Variants in MAN1C1 observed in about 807,000 individuals in gnomAD.
The protein encoded by MAN1C1 is mannosyl-oligosaccharide 1,2-alpha-mannosidase IC.
In MAN1C1, 49 loss-of-function variants were observed where a neutral mutation model predicts 71.5. The observed-to-expected ratio is 0.69, with a 90% confidence interval of 0.54 to 0.87. The LOEUF (loss-of-function observed/expected upper bound fraction) is 0.87, where lower values mean the gene tolerates loss of function less well. Among genes scored for constraint, MAN1C1 ranks in the 40% least tolerant of loss-of-function variants. The probability of loss-of-function intolerance (pLI) is 0.00; values close to 1 mark genes in which losing one functional copy is unlikely to be tolerated. For synonymous variants in MAN1C1, 352 were observed against 343.7 expected, an observed-to-expected ratio of 1.02 and a Z score of -0.27; for missense variants, 743 against 835.0, an observed-to-expected ratio of 0.89 and a Z score of 1.36.
At position 25,775,342 on chromosome 1, in the gene MAN1C1, C is replaced by T. The variant is rs1455363310; in HGVS notation, c.1258-2763C>T. On this transcript the variant is annotated intron_variant, in intron 8 of 11. Transcript: ENST00000374332. The surrounding 1 kb of genome is among the most constrained non-coding windows in gnomAD (Gnocchi z 5.1). ...GCACTCCCCCATGTGGAGCAGGTGC[C>T]CTGGCATGTCACATTGTCAGCGCTT... Among the ~76,000 whole-genome samples, 3 of 152,220 alleles carry T rather than the reference C, an allele frequency of 2.0e-5. No homozygotes were observed.
At chr1:25,671,676 T>C (rs1208414095) in intron 1 of MAN1C1, among the ~76,000 whole-genome samples, 1 of 152,210 alleles carries the variant, frequency 6.6e-6, no homozygotes, top group Non-Finnish European at 1.5e-5. Flanking sequence ...TGGTTATTCA[T>C]TGGCATGTAC....
chr1:25,713,321 G>C lies in MAN1C1; in HGVS notation c.637+26785G>C, dbSNP rs553491432. 2.2e-4 allele frequency among the ~76,000 whole-genome samples: 34 copies of C among 152,366 alleles called. No homozygotes were observed. The South Asian group carries it at 5.8e-3, about 26-fold the overall frequency. On this transcript the variant is annotated intron_variant, in intron 2 of 11. Transcript: ENST00000374332. ...TTGCACCCTCATCACAGTCAGGTGAGATGGTGCCATACCCACTTTATAGAT... is the reference window on the plus strand; with the variant it reads ...TTGCACCCTCATCACAGTCAGGTGACATGGTGCCATACCCACTTTATAGAT...
At chr1:25,667,643 A>C (rs970495519) in intron 1 of MAN1C1, among the ~76,000 whole-genome samples, 1 of 152,166 alleles carries the variant, frequency 6.6e-6, no homozygotes, top group Non-Finnish European at 1.5e-5. Flanking sequence ...TTGAAATCAA[A>C]TTGCTCGATC....
At chr1:25,688,891 G>A (rs539683482) in intron 2 of MAN1C1, among the ~76,000 whole-genome samples, 1 of 152,338 alleles carries the variant, frequency 6.6e-6, no homozygotes, top group African/African-American at 2.4e-5. Flanking sequence ...CAGGCTCTGA[G>A]GTCCCTTGGG....
chr1:25,740,985 G>A (rs1322906026), intron 2 of MAN1C1, among the ~76,000 whole-genome samples: 1 of 152,048 alleles, frequency 6.6e-6, no homozygotes, highest in Non-Finnish European at 1.5e-5. Context: ...GTGAGACAGG[G>A]TCAAGGGTTG....
intron 1 of MAN1C1, among the ~76,000 whole-genome samples, chr1:25,682,181 T>G (rs1174914076): frequency 6.6e-6 from 1 of 152,188 alleles, no homozygotes; most frequent in Non-Finnish European, 1.5e-5. Context: ...CCCAACTTAG[T>G]CCTTAGCTGG....
At chr1:25,626,051 C>T (rs1285375410) in intron 1 of MAN1C1, among the ~76,000 whole-genome samples, 3 of 152,158 alleles carry the variant, frequency 2.0e-5, no homozygotes, top group Admixed American at 6.5e-5. Context: ...CTGCTATAAA[C>T]ATTTTATGTA....
chr1:25,749,194 T>C, intron 3 of MAN1C1, 61 bp from the exon 4 acceptor site: 6 of 1,426,520 alleles, frequency 4.2e-6, no homozygotes, highest in Non-Finnish European at 5.8e-6. Context: ...GGGTGACCTG[T>C]CTCAAGGGCC....
At chr1:25,697,939 C>T (rs2046389017) in intron 2 of MAN1C1, among the ~76,000 whole-genome samples, 1 of 152,222 alleles carries the variant, frequency 6.6e-6, no homozygotes, top group Admixed American at 6.5e-5. Context: ...CTGCCTCTCT[C>T]ATCATCAAAC....
chr1:25,686,470 C>T lies in MAN1C1; in HGVS notation c.571C>T (p.Arg191Cys), dbSNP rs375175751. 8.7e-5 allele frequency: 141 copies of T among 1,613,976 alleles called. No homozygotes were observed. The highest frequency in any genetic ancestry group is 1.1e-4 in the Non-Finnish European group (133 of 1,180,002). Residue 191 changes from arginine to cysteine, a missense_variant, in exon 2 of 12, where the codon CGT becomes TGT. By Grantham distance (180) the Arg-to-Cys change is radical. Coordinates refer to ENST00000374332, the MANE Select transcript of MAN1C1 (RefSeq NM_020379.4). ...GCAGTTTGCTTGGCAGAGCTATAAG[C>T]GTTATGCAATGGGGAAAAACGAACT... is the stretch of plus-strand genomic sequence containing the variant. ...MMQFAWQSYKRYAMGKNELRP... is the reference protein window; with the variant it reads ...MMQFAWQSYKCYAMGKNELRP...
chr1:25,681,965 A>G (rs1462891573), intron 1 of MAN1C1, among the ~76,000 whole-genome samples: 1 of 151,232 alleles, frequency 6.6e-6, no homozygotes, highest in African/African-American at 2.5e-5. Flanking sequence ...AAAAAAAAAA[A>G]GCAATTTATT....
intron 7 of MAN1C1, among the ~76,000 whole-genome samples, 163 bp from the exon 8 acceptor site, chr1:25,771,494 C>T (rs546408144): frequency 1.3e-5 from 2 of 152,340 alleles, no homozygotes; most frequent in East Asian, 3.9e-4. Flanking sequence ...CAGGCTGTGT[C>T]TGCCTCGCAG....
chr1:25,639,606 A>G (rs1009354274), intron 1 of MAN1C1, among the ~76,000 whole-genome samples: 3 of 152,188 alleles, frequency 2.0e-5, no homozygotes. Flanking sequence ...CTAGGAAACT[A>G]TTTAATCTAG....
chr1:25,663,104 TAC>T (rs1339038032), intron 1 of MAN1C1, among the ~76,000 whole-genome samples: 1 of 148,344 alleles, frequency 6.7e-6, no homozygotes, highest in African/African-American at 2.4e-5. Context: ...AAAAAAATTA[TAC>T]ATATATATAT....
intron 1 of MAN1C1, among the ~76,000 whole-genome samples, chr1:25,674,368 A>C (rs1295127198): frequency 6.6e-6 from 1 of 152,234 alleles, no homozygotes; most frequent in Non-Finnish European, 1.5e-5. Flanking sequence ...ATTTTTATGG[A>C]AAGTCTCTAT....
chr1:25,673,501 T>C (rs1303192174), intron 1 of MAN1C1, among the ~76,000 whole-genome samples: 4 of 152,178 alleles, frequency 2.6e-5, no homozygotes, highest in Non-Finnish European at 5.9e-5. Context: ...AGTGTGAAGA[T>C]TAAATGAGTT....
Position 25,623,446 on chromosome 1 carries a change from AGTG to A in MAN1C1, c.540+5117_540+5119del, listed in dbSNP as rs1333793790. Reference sequence around the variant, plus strand: ...CTGCTGCCTATTTCACAGTATAGTTAGTGGTGGTGGGGGGGGGTAAGAATATAG... The same window carrying A: ...CTGCTGCCTATTTCACAGTATAGTTAGTGGTGGGGGGGGGTAAGAATATAG... On this transcript the variant is annotated intron_variant, in intron 1 of 11. Transcript: ENST00000374332. 1.8e-4 allele frequency among the ~76,000 whole-genome samples: 24 copies of A among 136,494 alleles called. No homozygotes were observed. In the East Asian group the frequency reaches 4.7e-3, roughly 27 times the overall value. The allele number at this position is 136,494 out of a possible 152,430, so 89.5% of individuals were successfully genotyped here.
intron 2 of MAN1C1, among the ~76,000 whole-genome samples, chr1:25,738,343 C>T (rs887284028): frequency 2.0e-5 from 3 of 152,012 alleles, no homozygotes; most frequent in African/African-American, 4.8e-5. Context: ...GGTTTTATGC[C>T]GCCAGAAGAC....
intron 2 of MAN1C1, among the ~76,000 whole-genome samples, chr1:25,707,981 G>C (rs748426568): frequency 1.6e-4 from 25 of 152,164 alleles, no homozygotes; most frequent in Non-Finnish European, 5.9e-5. Flanking sequence ...GAGAGCAGCT[G>C]TTTGCTCCTT....
Sources: gnomAD v4.1 joint callset for allele counts (sites outside exome capture counted in the v4.1 genomes callset) on GRCh38, gnomAD v4.1.1 for gene constraint, Gnocchi (gnomAD v3.1) non-coding constraint, MANE v1.5 for transcripts, NCBI Gene and HGNC (gene_info 2026-07-23, HGNC 2026-07-21) for gene names.